Variants in ADAMTS7 observed in about 807,000 individuals in gnomAD.
ADAMTS7 encodes ADAM metallopeptidase with thrombospondin type 1 motif 7.
ADAMTS7 carries 89 observed loss-of-function variants against 172.6 expected under a neutral mutation model. The ratio of observed to expected loss-of-function variants is 0.52; its 90% CI spans 0.43 to 0.61. The LOEUF is 0.61. Among genes scored for constraint, ADAMTS7 ranks in the 20% least tolerant of loss-of-function variants. ADAMTS7 has a pLI of 0.00. For missense variants in ADAMTS7, 1,973 were observed against 2,355.6 expected, an observed-to-expected ratio of 0.84 and a Z score of 3.36; for synonymous variants, 885 against 978.4, an observed-to-expected ratio of 0.90 and a Z score of 1.78.
In ADAMTS7 at chr15:78,763,716, C is replaced by T. The variant is rs759731435; in HGVS notation, c.4723G>A (p.Val1575Met). 7.1e-6 allele frequency: 11 copies of T among 1,552,412 alleles called. No homozygotes were observed. In the South Asian group the frequency reaches 1.2e-4, roughly 17 times the overall value. The change falls in exon 22 of 24, where the codon GTG (valine) becomes ATG (methionine). Residue 1575 changes from valine to methionine, a missense_variant. This residue lies in a region of ADAMTS7 where 42 missense variants were observed against 78.3 expected (regional missense o/e 0.54). Transcript: ENST00000388820. ...CNTHPCTQWV[V>M]GPWGQCSGPC... ...CGGCTCACCTGGCCCCAGGGCCCCA[C>T]CACCCACTGCGTGCAGGGGTGGGTG...
Position 78,759,422 on chromosome 15 carries a change from C to G in ADAMTS7, c.5060G>C (p.Ter1687SerextTer66). The change falls in exon 24 of 24, where the codon TGA becomes TCA. Residue 1687 changes from the stop codon to serine, a stop_lost. Transcript: ENST00000388820. ...GTCGGTCTGTGCATCCTGGCGCAGT[C>G]AGCGGCGGGCAACCCGCTGATGGCC... ...SRGHQRVARR[*>S] The G allele has an allele frequency of 6.3e-7, 1 of 1,592,020 alleles. No individual in the cohort carries two copies. Among genetic ancestry groups the G allele is most frequent in the Non-Finnish European group, 8.5e-7 (1 of 1,175,188 alleles).
Position 78,802,009 on chromosome 15 carries a change from T to A in ADAMTS7, c.101-1462A>T, listed in dbSNP as rs200742180. 2.0e-5 allele frequency among the ~76,000 whole-genome samples: 3 copies of A among 151,734 alleles called. No homozygotes were observed. The East Asian group carries it at 5.8e-4, about 29-fold the overall frequency. On this transcript the variant is annotated intron_variant, in intron 1 of 23. Transcript: ENST00000388820. ...AGGCTGGCCCTGGATAATTTTTTAT[T>A]TTTTTTTGTAGAGATGGGAGTTTTG...
Position 78,776,836 on chromosome 15 carries a change from G to T in ADAMTS7, c.1473C>A (p.Val491=), listed in dbSNP as rs978995169. 2.1e-5 allele frequency: 33 copies of T among 1,542,016 alleles called. No homozygotes were observed. In the Admixed American group the frequency reaches 6.5e-4, roughly 30 times the overall value. The change falls in exon 10 of 24, where the codon GTC becomes GTA. Residue 491 remains valine, a synonymous_variant. Coordinates refer to ENST00000388820, the MANE Select transcript of ADAMTS7 (RefSeq NM_014272.5). ...YSAFCEDMDN[V]CHTLWCSVGT... The stretch of plus-strand genomic sequence containing the variant: ...CCACAGAGCACCAGAGTGTGTGGCA[G>T]ACATTCTGCGAGGAGGAGGGCATGG...
chr15:78,764,818 T>G lies in ADAMTS7; in HGVS notation c.4267-111A>C. 2.5e-6 allele frequency: 3 copies of G among 1,200,624 alleles called. No homozygotes were observed. The South Asian group carries it at 5.5e-5, about 22-fold the overall frequency. The allele number at this position is 1,200,624 out of a possible 1,614,324, so 74.4% of individuals were successfully genotyped here. A position where few individuals can be genotyped will look rare whatever the true frequency, so the allele number is the denominator to read the frequency against. ...AGACCTCAGCAAGACAGGGGCCCTC[T>G]TCTGGGCCTCAGTTTCCTTATTTGC... On this transcript the variant is annotated intron_variant, in intron 19 of 23. Transcript: ENST00000388820.
At chr15:78,791,073 C>T in intron 5 of ADAMTS7, 67 bp downstream of exon 5, 2 of 1,534,008 alleles carry the variant, frequency 1.3e-6, no homozygotes, top group South Asian at 1.2e-5. Flanking sequence ...CAGCACAGGT[C>T]ATGCGGCAGG....
At position 78,800,396 on chromosome 15, in the gene ADAMTS7, T is replaced by C. The variant is rs61754848; in HGVS notation, c.252A>G (p.Leu84=). ...AGCGCAGCTCGCGCCCGCGGTATTG[T>C]AGCTCGTAGAAGGCGGGCGCGTCTC... ...VRRDAPAFYE[L]QYRGRELRFN... Residue 84 remains leucine (L), a synonymous_variant, in exon 2 of 24, where the codon CTA becomes CTG. Coordinates refer to ENST00000388820, the MANE Select transcript of ADAMTS7 (RefSeq NM_014272.5). 5 of 1,609,118 alleles carry C rather than the reference T, an allele frequency of 3.1e-6. No individual in the cohort carries two copies. Among genetic ancestry groups the C allele is most frequent in the Non-Finnish European group, 3.4e-6 (4 of 1,178,218 alleles).
At chr15:78,793,397 A>C (rs992929568) in intron 4 of ADAMTS7, among the ~76,000 whole-genome samples, 2 of 151,342 alleles carry the variant, frequency 1.3e-5, no homozygotes, top group Non-Finnish European at 2.9e-5. Context: ...TTTGTCACTC[A>C]AGATGGAGTG....
intron 9 of ADAMTS7, chr15:78,777,083 C>T: frequency 1.7e-6 from 1 of 571,762 alleles, no homozygotes; most frequent in South Asian, 2.3e-5. Context: ...CTCTCCCGGC[C>T]CAGCCCCTCC....
Position 78,811,287 on chromosome 15 carries a change from C to T in ADAMTS7, c.-67G>A. 2 of 1,218,808 alleles carry T rather than the reference C, an allele frequency of 1.6e-6. No individual in the cohort carries two copies. Among genetic ancestry groups the T allele is most frequent in the Non-Finnish European group, 2.0e-6 (2 of 979,642 alleles). 75.5% of individuals were successfully genotyped at this position (1,218,808 alleles called of 1,614,324 possible). The stretch of plus-strand genomic sequence containing the variant: ...TCTCGTCCGTCCCGTCCGGTCGCTG[C>T]CTGGTCCCAGGTCCGGCTCAGGACA... On this transcript the variant is annotated 5_prime_UTR_variant, in exon 1 of 24. Coordinates refer to ENST00000388820, the MANE Select transcript of ADAMTS7 (RefSeq NM_014272.5).
intron 1 of ADAMTS7, among the ~76,000 whole-genome samples, chr15:78,802,074 C>T (rs958042358): frequency 1.3e-5 from 2 of 151,904 alleles, no homozygotes; most frequent in African/African-American, 4.8e-5. Flanking sequence ...AGGTCTCAAG[C>T]GATCCTCCCA....
chr15:78,811,123 G>A lies in ADAMTS7; in HGVS notation c.98C>T (p.Pro33Leu). Residue 33 changes from proline to leucine, a missense_variant and splice_region_variant, in exon 1 of 24, where the codon CCA (proline) becomes CTA (leucine). By Grantham distance (98) the Pro-to-Leu change is moderately conservative. Coordinates refer to ENST00000388820, the MANE Select transcript of ADAMTS7 (RefSeq NM_014272.5). ...GCCGGGGAGGGGCGGACACCCACCT[G>A]GTGCGGGTCCGGGGGCGCCGGGAGC... ...ALAPGAPGPA[P>L]GRATEGRAAL... 8.1e-7 allele frequency: 1 copy of A among 1,230,254 alleles called. No individual in the cohort carries two copies. The highest frequency in any genetic ancestry group is 1.0e-6 in the Non-Finnish European group (1 of 986,946). The allele number at this position is 1,230,254 out of a possible 1,614,324, so 76.2% of individuals were successfully genotyped here.
Position 78,774,305 on chromosome 15 carries a change from G to T in ADAMTS7, c.1877-5C>A. On this transcript the variant is annotated splice_region_variant and splice_polypyrimidine_tract_variant and intron_variant, in intron 12 of 23. Coordinates refer to ENST00000388820, the MANE Select transcript of ADAMTS7 (RefSeq NM_014272.5). ...AGTGCAGCTCGCAGGGGTTCACTGAGGGCCCAAGTAGAAGAGTCATCAGCA... is the reference window on the plus strand; with the variant it reads ...AGTGCAGCTCGCAGGGGTTCACTGATGGCCCAAGTAGAAGAGTCATCAGCA... 6.4e-7 allele frequency: 1 copy of T among 1,566,260 alleles called. No homozygotes were observed. Among genetic ancestry groups the T allele is most frequent in the South Asian group, 1.2e-5 (1 of 86,178 alleles).
chr15:78,807,510 G>A (rs1287231933), intron 1 of ADAMTS7, among the ~76,000 whole-genome samples: 1 of 152,234 alleles, frequency 6.6e-6, no homozygotes, highest in Non-Finnish European at 1.5e-5. Context: ...ATTCGGATTA[G>A]TGAGCTCTAG....
intron 17 of ADAMTS7, 31 bp downstream of exon 17, chr15:78,768,102 G>A: frequency 2.0e-6 from 3 of 1,523,134 alleles, no homozygotes; most frequent in Non-Finnish European, 2.6e-6. Context: ...GGATGGGGTG[G>A]GGAGTTGGCG....
Position 78,766,897 on chromosome 15 carries a change from C to G in ADAMTS7, c.3014G>C (p.Gly1005Ala), listed in dbSNP as rs764085166. 26 of 1,609,388 alleles carry G rather than the reference C, an allele frequency of 1.6e-5. No homozygotes were observed. The highest frequency in any genetic ancestry group is 2.1e-5 in the Non-Finnish European group (25 of 1,179,014). The change falls in exon 19 of 24, where the codon GGC becomes GCC. Residue 1005 changes from glycine (G) to alanine (A), a missense_variant. Physicochemically the swap from Gly to Ala is moderately conservative, Grantham distance 60 (BLOSUM62 0). This residue lies in a region of ADAMTS7 where 771 missense variants were observed against 952.6 expected (regional missense o/e 0.81). Coordinates refer to ENST00000388820, the MANE Select transcript of ADAMTS7 (RefSeq NM_014272.5). ...GTGGCTGGAGGAGCCGCTGCCTGAGCCTTCAGGGCCCAGTGTGCCCAGGGG... is the reference window on the plus strand; with the variant it reads ...GTGGCTGGAGGAGCCGCTGCCTGAGGCTTCAGGGCCCAGTGTGCCCAGGGG... ...RWPLGTLGPEGSGSGSSSHEL... is the reference protein window; with the variant it reads ...RWPLGTLGPEASGSGSSSHEL...
intron 22 of ADAMTS7, among the ~76,000 whole-genome samples, 170 bp downstream of exon 22, chr15:78,763,529 T>G (rs2055083858): frequency 6.6e-6 from 1 of 152,202 alleles, no homozygotes; most frequent in Admixed American, 6.5e-5. Flanking sequence ...CCTTTCCTTG[T>G]CTGTTTCTCC....
Position 78,810,790 on chromosome 15 carries a change from C to A in ADAMTS7, c.100+331G>T, listed in dbSNP as rs184787580. ...TAAACCGCGCTCCGTCCAGCCCACT[C>A]GGACGAGAGCTCTCCCGGGAGCCAG... On this transcript the variant is annotated intron_variant, in intron 1 of 23. Coordinates refer to ENST00000388820, the MANE Select transcript of ADAMTS7 (RefSeq NM_014272.5). 2.5e-3 allele frequency: 579 copies of A among 229,088 alleles called. 2 individuals are homozygous for A. The highest frequency in any genetic ancestry group is 0.013 in the African/African-American group (559 of 44,236). 14.2% of individuals were successfully genotyped at this position (229,088 alleles called of 1,614,324 possible).
At position 78,789,587 on chromosome 15, in the gene ADAMTS7, C is replaced by T; in HGVS notation, c.1178+102G>A. On this transcript the variant is annotated intron_variant, in intron 7 of 23. Coordinates refer to ENST00000388820, the MANE Select transcript of ADAMTS7 (RefSeq NM_014272.5). ...CAGGGCTCCTTTTCCAGAGAGCTTC[C>T]TTTCCCCTGGACTTTGTGACCCACA... is the stretch of plus-strand genomic sequence containing the variant. The T allele has an allele frequency of 2.0e-6, 3 of 1,477,750 alleles. No homozygotes were observed. In the South Asian group the frequency reaches 3.8e-5, roughly 19 times the overall value. The allele number at this position is 1,477,750 out of a possible 1,614,324, so 91.5% of individuals were successfully genotyped here. A position where few individuals can be genotyped will look rare whatever the true frequency, so the allele number is the denominator to read the frequency against.
intron 13 of ADAMTS7, among the ~76,000 whole-genome samples, chr15:78,773,741 C>T (rs1161275190): frequency 1.3e-5 from 2 of 152,148 alleles, no homozygotes; most frequent in African/African-American, 2.4e-5. Flanking sequence ...CTCTTTGCGG[C>T]TCAGAGCCCT....
Sources: allele counts gnomAD v4.1 joint callset (sites outside exome capture counted in the v4.1 genomes callset), GRCh38; gene constraint gnomAD v4.1.1; regional missense constraint gnomAD v4.1.1; transcripts MANE v1.5; gene names NCBI Gene and HGNC (gene_info 2026-07-23, HGNC 2026-07-21).